The following HDAC9 variants were observed in gnomAD, a reference collection of about 807,000 sequenced individuals.
The protein encoded by HDAC9 is MEF-2 interacting transcription repressor (MITR) protein.
Under a neutral mutation model 139.4 loss-of-function variants are expected in HDAC9, and 41 were observed. That is an observed-to-expected ratio of 0.29 (90% CI 0.23 to 0.38). The LOEUF is 0.38. Ranked by LOEUF, HDAC9 falls within the 10% of genes least tolerant of loss-of-function variation. The pLI is 1.00. For synonymous variants in HDAC9, 517 were observed against 476.2 expected (o/e 1.09, Z -1.12); for missense variants, 1,147 against 1,297.0 (o/e 0.88, Z 1.78).
intron 22 of HDAC9, chr7:18,907,001 G>T (rs1802316381): frequency 6.6e-6 from 1 of 152,180 alleles, no homozygotes; most frequent in Non-Finnish European, 1.5e-5. Context: ...AACACAAGAT[G>T]GAAGGAAGAT....
At chr7:18,206,298 A>G (rs941224226) in intron 2 of HDAC9, among the ~76,000 whole-genome samples, 2 of 152,202 alleles carry the variant, frequency 1.3e-5, no homozygotes, top group Admixed American at 6.5e-5. Flanking sequence ...TCAAATAGCA[A>G]TCATTTCTGG....
intron 1 of HDAC9, among the ~76,000 whole-genome samples, chr7:18,111,811 A>G (rs1237442836): frequency 1.3e-5 from 2 of 152,258 alleles, no homozygotes; most frequent in East Asian, 3.8e-4. Flanking sequence ...AAGAGGTCAC[A>G]TAAAGTAAAT....
chr7:18,541,147 T>G (rs1812736968), intron 2 of HDAC9, among the ~76,000 whole-genome samples: 1 of 146,742 alleles, frequency 6.8e-6, no homozygotes, highest in Non-Finnish European at 1.5e-5. Flanking sequence ...CCGTGTTTTT[T>G]TTTTTTTTTT....
At chr7:18,690,905 G>A (rs1782627494) in intron 12 of HDAC9, among the ~76,000 whole-genome samples, 1 of 151,830 alleles carries the variant, frequency 6.6e-6, no homozygotes, top group African/African-American at 2.4e-5. Flanking sequence ...AGAAACAAAA[G>A]CATATTTCTG....
chr7:18,963,469 A>C (rs1179354763), intron 24 of HDAC9, among the ~76,000 whole-genome samples: 2 of 152,210 alleles, frequency 1.3e-5, no homozygotes, highest in African/African-American at 4.8e-5. Flanking sequence ...TAAATGAATA[A>C]AATCCAATGC....
intron 17 of HDAC9, among the ~76,000 whole-genome samples, chr7:18,806,256 C>G (rs1022480928): frequency 6.6e-6 from 1 of 152,154 alleles, no homozygotes; most frequent in African/African-American, 2.4e-5. Context: ...AATTTGGTGG[C>G]TTAAAACAAT....
intron 13 of HDAC9, among the ~76,000 whole-genome samples, chr7:18,729,190 G>C (rs2129130487): frequency 6.6e-6 from 1 of 152,198 alleles, no homozygotes; most frequent in Non-Finnish European, 1.5e-5. Context: ...TCTCCTGAAA[G>C]TGTCTTTTAT....
chr7:18,783,033 G>C (rs1483093906), intron 16 of HDAC9, among the ~76,000 whole-genome samples: 1 of 152,030 alleles, frequency 6.6e-6, no homozygotes, highest in African/African-American at 2.4e-5. Flanking sequence ...CCCAAAGCTT[G>C]CTTCCTTTTA....
At position 18,666,371 on chromosome 7, in the gene HDAC9, G is replaced by A; in HGVS notation, c.1626G>A (p.Leu542=). The change falls in exon 12 of 26, where the codon CTG becomes CTA. Residue 542 remains leucine, a synonymous_variant. Coordinates refer to ENST00000686413, the MANE Select transcript of HDAC9 (RefSeq NM_178425.4). The stretch of plus-strand genomic sequence containing the variant: ...GCAGTGCTTGTGTGGATGACACACT[G>A]GGACAAGTTGGGGCTGTGAAGGTCA... ...SDSSACVDDT[L]GQVGAVKVKE... is the part of the protein sequence containing the mutation. The A allele has an allele frequency of 6.2e-7, 1 of 1,613,314 alleles. No homozygotes were observed.
At chr7:18,447,162 T>C (rs1267923928) in intron 1 of HDAC9, among the ~76,000 whole-genome samples, 1 of 152,032 alleles carries the variant, frequency 6.6e-6, no homozygotes, top group Non-Finnish European at 1.5e-5. Context: ...TTTTAAAAAA[T>C]CCAAATCTAG....
intron 1 of HDAC9, among the ~76,000 whole-genome samples, chr7:18,391,398 A>AG (rs1268895303): frequency 6.6e-6 from 1 of 152,068 alleles, no homozygotes; most frequent in East Asian, 1.9e-4. Context: ...CCCAAAAAAA[A>AG]AAGAAAGTAA....
In HDAC9 at chr7:18,955,325, A is replaced by G. The variant is rs117446931; in HGVS notation, c.3022+1095A>G. Among the ~76,000 whole-genome samples the G allele has an allele frequency of 3.1e-3, 471 of 152,210 alleles. 2 individuals carry two copies. The highest frequency in any genetic ancestry group is 0.024 in the Middle Eastern group (7 of 294). On this transcript the variant is annotated intron_variant, in intron 24 of 25. Transcript: ENST00000686413. ...TTGTTTCCATTGGGGCTAGATAAAGAGGGTCTATTACATGTCATTCTAGAT... is the reference window on the plus strand; with the variant it reads ...TTGTTTCCATTGGGGCTAGATAAAGGGGGTCTATTACATGTCATTCTAGAT...
intron 1 of HDAC9, among the ~76,000 whole-genome samples, chr7:18,351,421 T>A (rs1782838103): frequency 6.6e-6 from 1 of 152,140 alleles, no homozygotes; most frequent in Non-Finnish European, 1.5e-5. Context: ...AAGTTTCCTA[T>A]GTGTTATGAA....
chr7:18,988,526 A>C (rs1785572901), intron 25 of HDAC9, among the ~76,000 whole-genome samples: 2 of 151,704 alleles, frequency 1.3e-5, no homozygotes, highest in African/African-American at 4.8e-5. Context: ...GTGCTGAAAA[A>C]AATGTATATT....
chr7:18,246,474 C>A (rs565522844), intron 2 of HDAC9, among the ~76,000 whole-genome samples: 42 of 152,074 alleles, frequency 2.8e-4, no homozygotes, highest in African/African-American at 9.9e-4. Flanking sequence ...TTTTTATCAC[C>A]CCAAAGGAGA....
At chr7:18,791,389 A>G (rs1208560831) in intron 16 of HDAC9, among the ~76,000 whole-genome samples, 1 of 152,140 alleles carries the variant, frequency 6.6e-6, no homozygotes, top group Non-Finnish European at 1.5e-5. Flanking sequence ...TGGTGGGAAA[A>G]CTGACTAAAA....
intron 2 of HDAC9, among the ~76,000 whole-genome samples, chr7:18,538,073 A>G (rs1811476247): frequency 6.6e-6 from 1 of 152,218 alleles, no homozygotes; most frequent in Admixed American, 6.5e-5. Flanking sequence ...GAAAGAGGGA[A>G]ACTACAGTAG....
At chr7:18,963,171 A>G (rs2129329853) in intron 24 of HDAC9, among the ~76,000 whole-genome samples, 2 of 152,326 alleles carry the variant, frequency 1.3e-5, no homozygotes, top group Admixed American at 1.3e-4. Flanking sequence ...GAAAAAACAT[A>G]AGCTGAAATT....
At chr7:18,196,752 T>C (rs1275092068) in intron 2 of HDAC9, among the ~76,000 whole-genome samples, 3 of 151,202 alleles carry the variant, frequency 2.0e-5, no homozygotes, top group Non-Finnish European at 4.4e-5. Context: ...CTAAAAAGGG[T>C]GTAGGGGTGT....
Sources: allele counts gnomAD v4.1 joint callset (sites outside exome capture counted in the v4.1 genomes callset), GRCh38; gene constraint gnomAD v4.1.1; transcripts MANE v1.5; gene names NCBI Gene and HGNC (gene_info 2026-07-23, HGNC 2026-07-21).